CFAP54: variants seen among roughly 807,000 people sequenced by gnomAD.
The protein encoded by CFAP54 is cilia and flagella associated protein 54.
CFAP54 carries 290 observed loss-of-function variants against 370.4 expected under a neutral mutation model. The ratio of observed to expected loss-of-function variants is 0.78; its 90% CI spans 0.71 to 0.86. The LOEUF (loss-of-function observed/expected upper bound fraction) is 0.86. Among genes scored for constraint, CFAP54 ranks in the 40% least tolerant of loss-of-function variants. CFAP54 has a pLI of 0.00. For missense variants in CFAP54, 3,399 were observed against 3,528.7 expected, an observed-to-expected ratio of 0.96 and a Z score of 0.93; for synonymous variants, 1,206 against 1,236.5, an observed-to-expected ratio of 0.98 and a Z score of 0.52.
At chr12:96,676,285 G>C (rs1476665837) in intron 39 of CFAP54, among the ~76,000 whole-genome samples, 1 of 152,126 alleles carries the variant, frequency 6.6e-6, no homozygotes, top group Non-Finnish European at 1.5e-5. Context: ...AGTTAATGAA[G>C]GAAGAATTAT....
At chr12:96,759,955 A>C (rs1426041284) in intron 58 of CFAP54, among the ~76,000 whole-genome samples, 1 of 152,232 alleles carries the variant, frequency 6.6e-6, no homozygotes, top group Admixed American at 6.5e-5. Flanking sequence ...GCCTGTTGAC[A>C]TCACTATTTC....
intron 58 of CFAP54, among the ~76,000 whole-genome samples, chr12:96,762,931 C>T (rs946538758): frequency 3.3e-5 from 5 of 152,078 alleles, no homozygotes; most frequent in Admixed American, 6.6e-5. Flanking sequence ...GCATTGTACA[C>T]GGCCTTTCTT....
At chr12:96,559,211 A>G (rs1482576263) in intron 17 of CFAP54, among the ~76,000 whole-genome samples, 1 of 152,074 alleles carries the variant, frequency 6.6e-6, no homozygotes, top group East Asian at 1.9e-4. Flanking sequence ...GCGAGGCTCC[A>G]TCTCAAAAAA....
intron 46 of CFAP54, among the ~76,000 whole-genome samples, chr12:96,703,130 T>C (rs908518654): frequency 1.3e-5 from 2 of 152,190 alleles, no homozygotes; most frequent in Non-Finnish European, 2.9e-5. Flanking sequence ...ATCTGTGATA[T>C]ATCGTTTTGG....
intron 26 of CFAP54, among the ~76,000 whole-genome samples, chr12:96,605,272 A>G (rs950800435): frequency 2.0e-5 from 3 of 152,222 alleles, no homozygotes; most frequent in African/African-American, 4.8e-5. Context: ...GACTTTAAGT[A>G]TCTTAACCCA....
intron 26 of CFAP54, among the ~76,000 whole-genome samples, chr12:96,607,752 G>T (rs1036034413): frequency 1.3e-4 from 19 of 150,966 alleles, no homozygotes; most frequent in African/African-American, 4.6e-4. Flanking sequence ...GTGACCCAAA[G>T]AACATTTATT....
chr12:96,684,932 T>C (rs578185162), intron 41 of CFAP54, 97 bp from the exon 42 acceptor site: 39 of 1,147,288 alleles, frequency 3.4e-5, no homozygotes, highest in Non-Finnish European at 4.8e-5. Flanking sequence ...CGTATGTTAA[T>C]TGACGTTGCT....
At chr12:96,711,876 C>T (rs942805010) in intron 48 of CFAP54, among the ~76,000 whole-genome samples, 2 of 152,038 alleles carry the variant, frequency 1.3e-5, no homozygotes, top group South Asian at 4.1e-4. Flanking sequence ...CACTTTATTT[C>T]TTCATGTACT....
At chr12:96,518,156 TG>T (rs1955261140) in intron 5 of CFAP54, among the ~76,000 whole-genome samples, 1 of 152,168 alleles carries the variant, frequency 6.6e-6, no homozygotes, top group Non-Finnish European at 1.5e-5. Flanking sequence ...AGCCACTAGG[TG>T]GTAAAATTGG....
intron 27 of CFAP54, among the ~76,000 whole-genome samples, 158 bp downstream of exon 27, chr12:96,621,879 T>G (rs866254088): frequency 4.4e-3 from 154 of 34,812 alleles, no homozygotes; most frequent in Non-Finnish European, 8.0e-3. Flanking sequence ...GGGTTTGTTT[T>G]TTTTTTTTTT....
At chr12:96,843,035 C>T (rs975143646) in intron 66 of CFAP54, among the ~76,000 whole-genome samples, 1 of 152,220 alleles carries the variant, frequency 6.6e-6, no homozygotes, top group Non-Finnish European at 1.5e-5. Flanking sequence ...TTTCTTTCCA[C>T]TGGACCCACA....
At chr12:96,779,037 G>A (rs1958554194) in intron 60 of CFAP54, among the ~76,000 whole-genome samples, 3 of 149,544 alleles carry the variant, frequency 2.0e-5, no homozygotes, top group African/African-American at 7.4e-5. Flanking sequence ...GACCCAGAAG[G>A]TAGAGGTTGC....
chr12:96,764,324 C>T, intron 59 of CFAP54, 75 bp downstream of exon 59: 1 of 1,119,452 alleles, frequency 8.9e-7, no homozygotes, highest in Non-Finnish European at 1.3e-6. Flanking sequence ...ACACAATATA[C>T]CTGTAAAAGA....
intron 19 of CFAP54, among the ~76,000 whole-genome samples, chr12:96,570,649 G>A (rs922101600): frequency 6.6e-6 from 1 of 152,106 alleles, no homozygotes; most frequent in African/African-American, 2.4e-5. Flanking sequence ...TTCTTCATCT[G>A]TGAAACAGGG....
intron 1 of CFAP54, among the ~76,000 whole-genome samples, chr12:96,499,639 T>C (rs1955001585): frequency 1.3e-5 from 2 of 152,194 alleles, no homozygotes; most frequent in Non-Finnish European, 2.9e-5. Context: ...TGAAAACTTA[T>C]GTCCATATAA....
intron 48 of CFAP54, among the ~76,000 whole-genome samples, chr12:96,709,301 T>G (rs1450476100): frequency 6.6e-6 from 1 of 152,230 alleles, no homozygotes; most frequent in African/African-American, 2.4e-5. Context: ...GCACTTCATT[T>G]CCAAGGAACA....
At chr12:96,706,762 C>T (rs1232111621) in intron 47 of CFAP54, among the ~76,000 whole-genome samples, 1 of 151,908 alleles carries the variant, frequency 6.6e-6, no homozygotes, top group African/African-American at 2.4e-5. Flanking sequence ...AATTCCCAAA[C>T]CTCAAAGCAC....
intron 53 of CFAP54, 73 bp from the exon 54 acceptor site, chr12:96,743,658 A>C: frequency 1.3e-6 from 2 of 1,563,708 alleles, no homozygotes; most frequent in Non-Finnish European, 1.7e-6. Flanking sequence ...AATGCATAAC[A>C]ATTAACATGT....
chr12:96,777,792 A>C (rs1958534892), intron 60 of CFAP54, among the ~76,000 whole-genome samples: 2 of 151,854 alleles, frequency 1.3e-5, no homozygotes, highest in Admixed American at 1.3e-4. Context: ...ACTGGCCATT[A>C]AACTTACCAT....
Sources: gnomAD v4.1 joint callset for allele counts (sites outside exome capture counted in the v4.1 genomes callset) on GRCh38, gnomAD v4.1.1 for gene constraint, MANE v1.5 for transcripts, NCBI Gene and HGNC (gene_info 2026-07-23, HGNC 2026-07-21) for gene names.